Variants in NDST4 observed in about 807,000 individuals in gnomAD.
NDST4 encodes the protein N-deacetylase and N-sulfotransferase 4, also known as N-heparan sulfate sulfotransferase 4.
NDST4 carries 63 observed loss-of-function variants against 100.8 expected under a neutral mutation model. The ratio of observed to expected loss-of-function variants is 0.62; its 90% CI spans 0.51 to 0.77. NDST4 has a LOEUF of 0.77. Ranked by LOEUF, NDST4 falls within the 30% of genes least tolerant of loss-of-function variation. NDST4 has a pLI of 0.00. For missense variants in NDST4, 943 were observed against 1,018.4 expected, an observed-to-expected ratio of 0.93 and a Z score of 1.01; for synonymous variants, 377 against 361.8, an observed-to-expected ratio of 1.04 and a Z score of -0.48.
intron 2 of NDST4, among the ~76,000 whole-genome samples, chr4:114,985,794 C>A (rs1285733356): frequency 2.0e-5 from 3 of 152,140 alleles, no homozygotes; most frequent in African/African-American, 7.2e-5. Flanking sequence ...TACGTTTCAA[C>A]AAGGTAGACA....
At chr4:115,030,412 A>G (rs1275729125) in intron 2 of NDST4, among the ~76,000 whole-genome samples, 1 of 152,130 alleles carries the variant, frequency 6.6e-6, no homozygotes, top group South Asian at 2.1e-4. Flanking sequence ...AAGAAATAAT[A>G]AGAGAAACTG....
intron 6 of NDST4, among the ~76,000 whole-genome samples, chr4:114,889,981 T>TG (rs1724559620): frequency 1.3e-5 from 2 of 152,150 alleles, no homozygotes; most frequent in Admixed American, 1.3e-4. Flanking sequence ...AAGTTGGGCC[T>TG]GAAAAAATCT....
At chr4:115,012,639 C>CA (rs1253314902) in intron 2 of NDST4, among the ~76,000 whole-genome samples, 1 of 151,762 alleles carries the variant, frequency 6.6e-6, no homozygotes, top group African/African-American at 2.4e-5. Context: ...GGAGGTTCCC[C>CA]AAAAAATGAA....
intron 1 of NDST4, among the ~76,000 whole-genome samples, chr4:115,079,533 T>C (rs1485448799): frequency 1.3e-5 from 2 of 152,170 alleles, no homozygotes; most frequent in Non-Finnish European, 2.9e-5. Context: ...TAATTTTCGA[T>C]TTCCCAGTTT....
In NDST4 at chr4:114,870,756, G is replaced by A; in HGVS notation, c.1719+12C>T. ...CTTTCCTTCCACCCCAAGAGAGAAT[G>A]TTAAATGTTACCTGCCATAGAGGGT... is the stretch of plus-strand genomic sequence containing the variant. On this transcript the variant is annotated intron_variant, in intron 7 of 13. Coordinates refer to ENST00000264363, the MANE Select transcript of NDST4 (RefSeq NM_022569.3). 1 of 1,590,900 alleles carries A rather than the reference G, an allele frequency of 6.3e-7. No individual in the cohort carries two copies. The highest frequency in any genetic ancestry group is 1.4e-5 in the African/African-American group (1 of 73,784).
In NDST4 at chr4:114,880,172, TA is replaced by T. The variant is rs2126200710; in HGVS notation, c.1537-9223del. Among the ~76,000 whole-genome samples, 3 of 152,308 alleles carry T rather than the reference TA, an allele frequency of 2.0e-5. No homozygotes were observed. The South Asian group carries it at 6.2e-4, about 32-fold the overall frequency. ...ACTCTCTATTTTTCTTGTACATTAA[TA>T]AAGGCTTAGTCATTAAAAGGCAACA... On this transcript the variant is annotated intron_variant, in intron 6 of 13. Coordinates refer to ENST00000264363, the MANE Select transcript of NDST4 (RefSeq NM_022569.3).
chr4:114,986,935 G>A (rs1234297186), intron 2 of NDST4, among the ~76,000 whole-genome samples: 4 of 149,506 alleles, frequency 2.7e-5, no homozygotes, highest in African/African-American at 9.8e-5. Context: ...TAACTTCAGA[G>A]GTCATTGTTT....
intron 6 of NDST4, among the ~76,000 whole-genome samples, chr4:114,876,462 C>G (rs1349273163): frequency 2.0e-4 from 31 of 152,064 alleles, no homozygotes; most frequent in African/African-American, 7.5e-4. Flanking sequence ...TAAAAATAGT[C>G]TGGAACCACA....
chr4:114,917,178 G>A lies in NDST4; in HGVS notation c.1536+18028C>T, dbSNP rs78213482. On this transcript the variant is annotated intron_variant, in intron 6 of 13. Coordinates refer to ENST00000264363, the MANE Select transcript of NDST4 (RefSeq NM_022569.3). ...ATACCTAATAAAATGAAAGTTCTAC[G>A]TAAATAGTTGTTATATTCGTATTGT... is the stretch of plus-strand genomic sequence containing the variant. Among the ~76,000 whole-genome samples the A allele has an allele frequency of 4.2e-3, 635 of 152,140 alleles. 24 individuals are homozygous for A. In the East Asian group the frequency reaches 0.092, roughly 22 times the overall value.
At chr4:114,949,061 C>A (rs1487139112) in intron 4 of NDST4, among the ~76,000 whole-genome samples, 1 of 151,780 alleles carries the variant, frequency 6.6e-6, no homozygotes, top group Non-Finnish European at 1.5e-5. Flanking sequence ...TTAATTATTT[C>A]ACAGTCATTT....
intron 6 of NDST4, among the ~76,000 whole-genome samples, chr4:114,875,707 G>T (rs1458178560): frequency 6.6e-6 from 1 of 152,048 alleles, no homozygotes; most frequent in African/African-American, 2.4e-5. Flanking sequence ...TTATGAAGCT[G>T]CTAATATCCA....
intron 1 of NDST4, among the ~76,000 whole-genome samples, chr4:115,099,709 C>G (rs1729692001): frequency 6.6e-6 from 1 of 152,066 alleles, no homozygotes; most frequent in South Asian, 2.1e-4. Context: ...TCATTCATTG[C>G]TGGTAGGAAT....
intron 6 of NDST4, among the ~76,000 whole-genome samples, chr4:114,928,043 C>T (rs1225036647): frequency 6.6e-6 from 1 of 152,154 alleles, no homozygotes; most frequent in Non-Finnish European, 1.5e-5. Flanking sequence ...TGGATCTTCC[C>T]TTTAAAAGTC....
chr4:115,089,236 T>TAAA (rs1729466813), intron 1 of NDST4, among the ~76,000 whole-genome samples: 1 of 151,986 alleles, frequency 6.6e-6, no homozygotes, highest in Non-Finnish European at 1.5e-5. Flanking sequence ...ATAAAATGGT[T>TAAA]TATATTTCTA....
At chr4:115,109,544 T>C (rs544822419) in intron 1 of NDST4, among the ~76,000 whole-genome samples, 2 of 152,092 alleles carry the variant, frequency 1.3e-5, no homozygotes, top group Non-Finnish European at 2.9e-5. Context: ...AAGTCCCAAT[T>C]CTATAATTCA....
chr4:115,093,209 C>T (rs1253661793), intron 1 of NDST4, among the ~76,000 whole-genome samples: 2 of 152,150 alleles, frequency 1.3e-5, no homozygotes, highest in African/African-American at 2.4e-5. Context: ...AGAGCGGTGG[C>T]TCATGCCTGT....
intron 2 of NDST4, among the ~76,000 whole-genome samples, chr4:115,057,200 G>A (rs1728713623): frequency 6.6e-6 from 1 of 152,304 alleles, no homozygotes; most frequent in East Asian, 1.9e-4. Flanking sequence ...CAGTGGTACA[G>A]TAGTCTGCCT....
intron 4 of NDST4, among the ~76,000 whole-genome samples, chr4:114,950,640 T>C (rs1416536974): frequency 6.6e-6 from 1 of 152,052 alleles, no homozygotes; most frequent in Non-Finnish European, 1.5e-5. Flanking sequence ...AGGTTGTTGC[T>C]AAACCTATGT....
intron 1 of NDST4, among the ~76,000 whole-genome samples, chr4:115,093,979 A>T (rs1729572016): frequency 6.6e-6 from 1 of 152,064 alleles, no homozygotes; most frequent in South Asian, 2.1e-4. Flanking sequence ...AGAAAAATAA[A>T]GCAAGAAGCT....
Sources: allele counts gnomAD v4.1 joint callset (sites outside exome capture counted in the v4.1 genomes callset), GRCh38; gene constraint gnomAD v4.1.1; transcripts MANE v1.5; gene names NCBI Gene and HGNC (gene_info 2026-07-23, HGNC 2026-07-21).